DHX57: variants seen among roughly 807,000 people sequenced by gnomAD.
The protein encoded by DHX57 is putative ATP-dependent RNA helicase DHX57.
Under a neutral mutation model 156.2 loss-of-function variants are expected in DHX57, and 105 were observed. The observed-to-expected ratio is 0.67, with a 90% CI of 0.57 to 0.79. DHX57 has a LOEUF of 0.79. Among genes scored for constraint, DHX57 ranks in the 30% least tolerant of loss-of-function variants. The pLI is 0.00. For synonymous variants in DHX57, 704 were observed against 595.6 expected, an observed-to-expected ratio of 1.18 and a Z score of -2.65; for missense variants, 1,847 against 1,661.9, an observed-to-expected ratio of 1.11 and a Z score of -1.94.
In DHX57 at chr2:38,811,763, G is replaced by A. The variant is rs1399475121; in HGVS notation, c.3681+2058C>T. ...AGGCAGGCAACAGAGCAGGGCCCAC[G>A]TCTTTCTTATTGGTGAGTTCTTAGA... On this transcript the variant is annotated intron_variant, in intron 21 of 23. Transcript: ENST00000457308. The A allele has an allele frequency of 8.3e-6, 4 of 480,238 alleles. No individual in the cohort carries two copies. In the Admixed American group the frequency reaches 9.7e-5, roughly 12 times the overall value. The allele number at this position is 480,238 out of a possible 1,614,324, so 29.7% of individuals were successfully genotyped here. A position where few individuals can be genotyped will look rare whatever the true frequency, so the allele number is the denominator to read the frequency against.
chr2:38,852,656 T>G (rs1261737962), intron 9 of DHX57, among the ~76,000 whole-genome samples: 1 of 150,682 alleles, frequency 6.6e-6, no homozygotes, highest in Non-Finnish European at 1.5e-5. Flanking sequence ...TTTCCCAGGC[T>G]GAAGTGGCTC....
At chr2:38,828,272 A>G in intron 14 of DHX57, 68 bp downstream of exon 14, 1 of 1,255,656 alleles carries the variant, frequency 8.0e-7, no homozygotes, top group Non-Finnish European at 1.1e-6. Context: ...CAGGGTCTAA[A>G]GAGGGTGATG....
chr2:38,801,642 T>C (rs543948936), intron 23 of DHX57, among the ~76,000 whole-genome samples: 1 of 152,180 alleles, frequency 6.6e-6, no homozygotes, highest in East Asian at 1.9e-4. Context: ...TTGCTCAGGC[T>C]GGAGTGCAAT....
At chr2:38,822,881 A>T in intron 17 of DHX57, 112 bp downstream of exon 17, 1 of 1,228,018 alleles carries the variant, frequency 8.1e-7, no homozygotes, top group Non-Finnish European at 1.1e-6. Context: ...TTCACAGCTA[A>T]CATACAAGCA....
At position 38,806,478 on chromosome 2, in the gene DHX57, C is replaced by T. The variant is rs566845787; in HGVS notation, c.3816+81G>A. ...TTGCTGGGGACAGCAAGTGATAGAA[C>T]ATGGTGTGGCTGAATTTAAGGAATT... On this transcript the variant is annotated intron_variant, in intron 22 of 23. Transcript: ENST00000457308. 7 of 1,508,750 alleles carry T rather than the reference C, an allele frequency of 4.6e-6. No individual in the cohort carries two copies. In the African/African-American group the frequency reaches 5.5e-5, roughly 12 times the overall value. The allele number at this position is 1,508,750 out of a possible 1,614,324, so 93.5% of individuals were successfully genotyped here.
At chr2:38,864,346 G>C (rs1664938480) in intron 2 of DHX57, among the ~76,000 whole-genome samples, 1 of 149,812 alleles carries the variant, frequency 6.7e-6, no homozygotes. Flanking sequence ...AGGAGTTCGA[G>C]ACCAGCCTGG....
rs757283907 is a variant in DHX57, at chr2:38,862,330, T to C, written c.387A>G (p.Arg129=). 6 of 1,566,116 alleles carry C rather than the reference T, an allele frequency of 3.8e-6. No individual in the cohort carries two copies. The East Asian group carries it at 1.1e-4, about 30-fold the overall frequency. Reference sequence around the variant, plus strand: ...CATCTTCCTCCTCCCCAGAAAGGCCTCTTCTAGCAAAGGCAACATTTTCAT... The same window carrying C: ...CATCTTCCTCCTCCCCAGAAAGGCCCCTTCTAGCAAAGGCAACATTTTCAT... ...QEQDADAGSE[R]GLSGEEEDDE... Residue 129 remains arginine, a synonymous_variant, in exon 4 of 24, where the codon AGA becomes AGG. Coordinates refer to ENST00000457308, the MANE Select transcript of DHX57 (RefSeq NM_198963.3).
At chr2:38,834,354 G>A (rs1671541402) in intron 13 of DHX57, among the ~76,000 whole-genome samples, 2 of 147,886 alleles carry the variant, frequency 1.4e-5, no homozygotes, top group Non-Finnish European at 1.5e-5. Context: ...AAAAAAAAGT[G>A]GTATTAAATC....
chr2:38,855,904 C>T (rs1672872321), intron 7 of DHX57, among the ~76,000 whole-genome samples: 1 of 152,130 alleles, frequency 6.6e-6, no homozygotes, highest in South Asian at 2.1e-4. Flanking sequence ...CGAGACCAGC[C>T]TGGCCAACAT....
At chr2:38,856,160 T>C (rs1192729265) in intron 7 of DHX57, among the ~76,000 whole-genome samples, 180 bp downstream of exon 7, 1 of 152,202 alleles carries the variant, frequency 6.6e-6, no homozygotes, top group Non-Finnish European at 1.5e-5. Context: ...ATCCTTTAAA[T>C]TTAAACATGA....
intron 2 of DHX57, among the ~76,000 whole-genome samples, chr2:38,866,745 A>G (rs1291093717): frequency 6.6e-6 from 1 of 152,182 alleles, no homozygotes; most frequent in East Asian, 1.9e-4. Context: ...TTGAAAAACT[A>G]TGGAGCTGCA....
chr2:38,861,075 C>G lies in DHX57; in HGVS notation c.1335G>C (p.Arg445Ser), dbSNP rs528501820. Residue 445 changes from arginine (R) to serine (S), a missense_variant, in exon 5 of 24, where the codon AGG (arginine) becomes AGC (serine). Arg to Ser is a moderately radical substitution (Grantham distance 110). Transcript: ENST00000457308. The stretch of plus-strand genomic sequence containing the variant: ...GACAGGCAGGATTATTTATTCTGGT[C>G]CTAGAGGGTACTGGCAGAAAGTTCA... ...PPVNFLPVPS[R>S]TRINNPACHK... The G allele has an allele frequency of 6.2e-7, 1 of 1,614,136 alleles. No homozygotes were observed. The highest frequency in any genetic ancestry group is 8.5e-7 in the Non-Finnish European group (1 of 1,180,010).
chr2:38,806,486 G>A, intron 22 of DHX57, 73 bp downstream of exon 22: 1 of 1,539,382 alleles, frequency 6.5e-7, no homozygotes, highest in South Asian at 1.2e-5. Flanking sequence ...AACATGGTGT[G>A]GCTGAATTTA....
chr2:38,835,291 A>G (rs1671594664), intron 13 of DHX57, among the ~76,000 whole-genome samples: 1 of 152,028 alleles, frequency 6.6e-6, no homozygotes, highest in South Asian at 2.1e-4. Flanking sequence ...GGCTAAATCT[A>G]CTCTTTTGTG....
In DHX57 at chr2:38,838,825, T is replaced by C. The variant is rs1345289199; in HGVS notation, c.2426-878A>G. On this transcript the variant is annotated intron_variant, in intron 12 of 23. Transcript: ENST00000457308. Reference sequence around the variant, plus strand: ...CTTCATTAACACCCACGGAGTCTACTCATAGACCCTCACAATCTCCCCACT... The same window carrying C: ...CTTCATTAACACCCACGGAGTCTACCCATAGACCCTCACAATCTCCCCACT... 6.6e-6 allele frequency: 3 copies of C among 454,790 alleles called. No individual in the cohort carries two copies. In the Admixed American group the frequency reaches 7.1e-5, roughly 11 times the overall value. 28.2% of individuals were successfully genotyped at this position (454,790 alleles called of 1,614,324 possible).
Position 38,798,375 on chromosome 2 carries a change from G to C in DHX57, c.4085C>G (p.Pro1362Arg). 1 of 1,614,034 alleles carries C rather than the reference G, an allele frequency of 6.2e-7. No homozygotes were observed. The highest frequency in any genetic ancestry group is 8.5e-7 in the Non-Finnish European group (1 of 1,179,990). Reference protein sequence around the residue: ...DQLLQDKIKNPSIDLCTCPRG... With the variant: ...DQLLQDKIKNRSIDLCTCPRG... The stretch of plus-strand genomic sequence containing the variant: ...AGGACACGTACACAGATCAATGCTT[G>C]GGTTTTTAATTTTATCCTGGAGAAG... The change falls in exon 24 of 24, where the codon CCA becomes CGA. Residue 1362 changes from proline to arginine, a missense_variant. Pro to Arg is a moderately radical substitution (Grantham distance 103, BLOSUM62 -2). Transcript: ENST00000457308.
chr2:38,802,660 T>C (rs1669741517), intron 23 of DHX57, 55 bp downstream of exon 23: 1 of 1,600,516 alleles, frequency 6.2e-7, no homozygotes, highest in African/African-American at 1.3e-5. Flanking sequence ...TAACTTCATA[T>C]TGTCAAAGCC....
intron 23 of DHX57, among the ~76,000 whole-genome samples, chr2:38,801,379 C>T (rs1043503186): frequency 1.2e-4 from 18 of 150,602 alleles, no homozygotes; most frequent in African/African-American, 3.7e-4. Flanking sequence ...GTTGGGATTA[C>T]GGGTGTCCAC....
chr2:38,854,282 C>G (rs967319685), intron 8 of DHX57, 104 bp from the exon 9 acceptor site: 3 of 1,200,160 alleles, frequency 2.5e-6, no homozygotes, highest in African/African-American at 1.5e-5. Context: ...ATATTGGAAA[C>G]ACCAGCAGTT....
Sources: gnomAD v4.1 joint callset for allele counts (sites outside exome capture counted in the v4.1 genomes callset) on GRCh38, gnomAD v4.1.1 for gene constraint, MANE v1.5 for transcripts, NCBI Gene and HGNC (gene_info 2026-07-23, HGNC 2026-07-21) for gene names.